Variants in SLIT2 observed in about 807,000 individuals in gnomAD.
SLIT2 encodes slit guidance ligand 2.
A neutral mutation model predicts 185.7 loss-of-function variants in SLIT2; 41 were observed. That is an observed-to-expected ratio of 0.22 (90% CI 0.17 to 0.29). The LOEUF is 0.29. Among genes scored for constraint, SLIT2 ranks in the 10% least tolerant of loss-of-function variants. The pLI is 1.00. For synonymous variants in SLIT2, 693 were observed against 680.2 expected, an observed-to-expected ratio of 1.02 and a Z score of -0.29; for missense variants, 1,571 against 1,909.0, an observed-to-expected ratio of 0.82 and a Z score of 3.30.
chr4:20,391,613 A>G (rs948710512), intron 4 of SLIT2, among the ~76,000 whole-genome samples: 1 of 152,166 alleles, frequency 6.6e-6, no homozygotes, highest in Non-Finnish European at 1.5e-5. Context: ...GGTTAAAAAC[A>G]TGTTTTAGCA....
At chr4:20,597,477 A>G (rs1458907175) in intron 32 of SLIT2, among the ~76,000 whole-genome samples, 1 of 152,228 alleles carries the variant, frequency 6.6e-6, no homozygotes, top group Non-Finnish European at 1.5e-5. Context: ...TAAGCAAGTC[A>G]TTCAGATCCC....
intron 3 of SLIT2, among the ~76,000 whole-genome samples, chr4:20,267,226 G>C (rs939255856): frequency 6.6e-5 from 10 of 151,940 alleles, no homozygotes; most frequent in African/African-American, 1.9e-4. Context: ...ATACCTAACA[G>C]AGAACAAATA....
chr4:20,399,033 T>C (rs1444709186), intron 4 of SLIT2, among the ~76,000 whole-genome samples: 1 of 151,678 alleles, frequency 6.6e-6, no homozygotes, highest in Middle Eastern at 3.2e-3. Context: ...AAGTGTACGA[T>C]GATACAAGCG....
At chr4:20,319,665 C>A (rs923399950) in intron 4 of SLIT2, among the ~76,000 whole-genome samples, 1 of 152,034 alleles carries the variant, frequency 6.6e-6, no homozygotes, top group Non-Finnish European at 1.5e-5. Context: ...ACCTAATAGG[C>A]ATTCAGTAAA....
intron 26 of SLIT2, among the ~76,000 whole-genome samples, chr4:20,564,994 A>G (rs935593703): frequency 6.6e-6 from 1 of 151,992 alleles, no homozygotes; most frequent in African/African-American, 2.4e-5. Context: ...TAAAATGAAC[A>G]TGAACTACTT....
chr4:20,485,018 G>C (rs752891558), intron 6 of SLIT2, among the ~76,000 whole-genome samples: 1 of 152,064 alleles, frequency 6.6e-6, no homozygotes, highest in African/African-American at 2.4e-5. Context: ...TCCTTGTCCA[G>C]TATCAACTTC....
chr4:20,554,770 T>G lies in SLIT2; in HGVS notation c.2725+802T>G, dbSNP rs569432414. 1.1e-3 allele frequency among the ~76,000 whole-genome samples: 172 copies of G among 152,052 alleles called. 1 individual carries two copies. Among genetic ancestry groups the G allele is most frequent in the African/African-American group, 3.6e-3 (149 of 41,480 alleles). ...TGGGGGGGCTTTTGTTTTGTTTTTT[T>G]TTTGTTTGTTTGAGACAGAGTTTCC... On this transcript the variant is annotated intron_variant, in intron 26 of 36. Coordinates refer to ENST00000504154, the MANE Select transcript of SLIT2 (RefSeq NM_004787.4).
At chr4:20,268,413 G>A (rs1713257348) in intron 3 of SLIT2, among the ~76,000 whole-genome samples, 1 of 151,266 alleles carries the variant, frequency 6.6e-6, no homozygotes, top group Non-Finnish European at 1.5e-5. Flanking sequence ...TTCCTTGGCT[G>A]AACTTTTAGG....
chr4:20,279,593 G>C (rs1714521483), intron 4 of SLIT2, among the ~76,000 whole-genome samples: 2 of 152,118 alleles, frequency 1.3e-5, no homozygotes, highest in Non-Finnish European at 2.9e-5. Flanking sequence ...GTGTCATCTT[G>C]GGAATATCAC....
In SLIT2 at chr4:20,567,564, G is replaced by A. The variant is rs1725204509; in HGVS notation, c.2897G>A (p.Cys966Tyr). ...ATTCATGCCTGCATCAGTAACCCAT[G>A]TAAACATGGAGGAACTTGCCACTTA... ...VPIHACISNP[C>Y]KHGGTCHLKE... Residue 966 changes from cysteine (C) to tyrosine (Y), a missense_variant, in exon 28 of 37, where the codon TGT becomes TAT. This residue lies in a region of SLIT2 where 1,202 missense variants were observed against 1,416.4 expected (regional missense o/e 0.85). Coordinates refer to ENST00000504154, the MANE Select transcript of SLIT2 (RefSeq NM_004787.4). 2.5e-6 allele frequency: 4 copies of A among 1,613,390 alleles called. No homozygotes were observed. The highest frequency in any genetic ancestry group is 3.4e-6 in the Non-Finnish European group (4 of 1,179,530).
At chr4:20,294,503 A>G (rs1716278320) in intron 4 of SLIT2, among the ~76,000 whole-genome samples, 1 of 152,220 alleles carries the variant, frequency 6.6e-6, no homozygotes, top group East Asian at 1.9e-4. Flanking sequence ...ATGTTGAAGT[A>G]TCAGAGTATC....
chr4:20,258,191 T>C (rs964098872), intron 3 of SLIT2, among the ~76,000 whole-genome samples: 7 of 151,972 alleles, frequency 4.6e-5, no homozygotes, highest in African/African-American at 1.7e-4. Flanking sequence ...ATTGCTTTGG[T>C]ACTTAAAGAT....
At position 20,488,572 on chromosome 4, in the gene SLIT2, G is replaced by A. The variant is rs372183414; in HGVS notation, c.612-247G>A. Among the ~76,000 whole-genome samples, 4 of 151,958 alleles carry A rather than the reference G, an allele frequency of 2.6e-5. No homozygotes were observed. In the East Asian group the frequency reaches 5.8e-4, roughly 22 times the overall value. Reference sequence around the variant, plus strand: ...TTTCTCTTTCCTCTTTTAAATGAACGTAAGTGAAATATGTTCGTTTAAAAC... The same window carrying A: ...TTTCTCTTTCCTCTTTTAAATGAACATAAGTGAAATATGTTCGTTTAAAAC... On this transcript the variant is annotated intron_variant, in intron 7 of 36. Coordinates refer to ENST00000504154, the MANE Select transcript of SLIT2 (RefSeq NM_004787.4).
chr4:20,371,610 C>T (rs1560362620), intron 4 of SLIT2, among the ~76,000 whole-genome samples: 1 of 151,972 alleles, frequency 6.6e-6, no homozygotes, highest in African/African-American at 2.4e-5. Flanking sequence ...GCCTAAGTTC[C>T]CATTGCAGCT....
At chr4:20,542,758 T>G (rs1722913204) in intron 21 of SLIT2, 132 bp downstream of exon 21, 3 of 982,152 alleles carry the variant, frequency 3.1e-6, no homozygotes, top group Non-Finnish European at 3.0e-6. Context: ...ATTATTATCC[T>G]GTAAAATGGT....
rs1459962322 is a variant in SLIT2 at position 20,463,448 on chromosome 4, G to GATAGATATAT, written c.396-4301_396-4300insGATATATATA. On this transcript the variant is annotated intron_variant, in intron 4 of 36. Transcript: ENST00000504154. ...ACTATCTTCATTGACCTCAAACTGT[G>GATAGATATAT]ATATATATATATATATATATATATA... Among the ~76,000 whole-genome samples the GATAGATATAT allele has an allele frequency of 2.2e-3, 148 of 67,210 alleles. No homozygotes were observed. The Middle Eastern group carries it at 0.028, about 13-fold the overall frequency. The allele number at this position is 67,210 out of a possible 152,430, so 44.1% of individuals were successfully genotyped here.
At chr4:20,481,780 C>T (rs1478546021) in intron 6 of SLIT2, among the ~76,000 whole-genome samples, 1 of 151,880 alleles carries the variant, frequency 6.6e-6, no homozygotes, top group Non-Finnish European at 1.5e-5. Context: ...CTTATTTTAT[C>T]AGTATTTTTA....
In SLIT2 at chr4:20,390,779, A is replaced by ATATAT. The variant is rs71181562; in HGVS notation, c.396-76973_396-76972insTATAT. Among the ~76,000 whole-genome samples, 456 of 142,656 alleles carry ATATAT rather than the reference A, an allele frequency of 3.2e-3. 2 individuals carry two copies. The highest frequency in any genetic ancestry group is 0.01 in the African/African-American group (410 of 40,806). The allele number at this position is 142,656 out of a possible 152,430, so 93.6% of individuals were successfully genotyped here. On this transcript the variant is annotated intron_variant, in intron 4 of 36. Transcript: ENST00000504154. ...ATCTTATTTTTTTTTTTTAAAAAAAAATATATATATACTAAGACAATTAGA... is the reference window on the plus strand; with the variant it reads ...ATCTTATTTTTTTTTTTTAAAAAAAATATATATATATATATACTAAGACAATTAGA...
intron 4 of SLIT2, among the ~76,000 whole-genome samples, chr4:20,372,942 A>G (rs1395570009): frequency 1.3e-5 from 2 of 152,134 alleles, no homozygotes; most frequent in African/African-American, 4.8e-5. Flanking sequence ...ACCAACAGAT[A>G]TGAGCATCAT....
Sources: gnomAD v4.1 joint callset for allele counts (sites outside exome capture counted in the v4.1 genomes callset) on GRCh38, gnomAD v4.1.1 for gene constraint, gnomAD v4.1.1 regional missense constraint, MANE v1.5 for transcripts, NCBI Gene and HGNC (gene_info 2026-07-23, HGNC 2026-07-21) for gene names.